Variants in CSMD1 observed in about 807,000 individuals in gnomAD.
The protein encoded by CSMD1 is CUB and sushi domain-containing protein 1.
A neutral mutation model predicts 417.5 loss-of-function variants in CSMD1; 213 were observed. That is an observed-to-expected ratio of 0.51 (90% confidence interval 0.46 to 0.57). The LOEUF (loss-of-function observed/expected upper bound fraction) is 0.57. Among genes scored for constraint, CSMD1 ranks in the 20% least tolerant of loss-of-function variants. The pLI is 0.00. For synonymous variants in CSMD1, 2,862 were observed against 1,736.8 expected (o/e 1.65, Z -16.11); for missense variants, 6,923 against 4,529.7 (o/e 1.53, Z -15.17).
chr8:3,986,949 T>TG (rs1814374683), intron 5 of CSMD1, among the ~76,000 whole-genome samples: 1 of 152,086 alleles, frequency 6.6e-6, no homozygotes, highest in African/African-American at 2.4e-5. Flanking sequence ...TACAGGGCGT[T>TG]TCACCATGCA....
At chr8:4,757,114 A>G (rs532140394) in intron 1 of CSMD1, among the ~76,000 whole-genome samples, 9 of 152,354 alleles carry the variant, frequency 5.9e-5, no homozygotes, top group Middle Eastern at 3.4e-3. Flanking sequence ...AAACACAAAC[A>G]TAAGTCACAT....
At position 4,116,940 on chromosome 8, in the gene CSMD1, C is replaced by G. The variant is rs943996319; in HGVS notation, c.416-84841G>C. ...AAATGTGTACCATCCTTTGTCTTTT[C>G]CATGAAGTCTGAGAATCAGGCTGGT... On this transcript the variant is annotated intron_variant, in intron 3 of 69. Transcript: ENST00000635120. Among the ~76,000 whole-genome samples the G allele has an allele frequency of 3.3e-5, 5 of 152,146 alleles. No individual in the cohort carries two copies. In the East Asian group the frequency reaches 9.7e-4, roughly 29 times the overall value.
intron 5 of CSMD1, among the ~76,000 whole-genome samples, chr8:3,993,714 T>C (rs924201802): frequency 3.3e-5 from 5 of 152,184 alleles, no homozygotes; most frequent in African/African-American, 9.7e-5. Flanking sequence ...TTTGAAGTCA[T>C]AAGGCAGCCC....
intron 7 of CSMD1, among the ~76,000 whole-genome samples, chr8:3,637,275 G>T (rs1306687321): frequency 6.6e-6 from 1 of 152,104 alleles, no homozygotes; most frequent in Non-Finnish European, 1.5e-5. Context: ...TGTCTCACTT[G>T]CTAGTTGTGT....
intron 1 of CSMD1, among the ~76,000 whole-genome samples, chr8:4,713,404 G>A (rs1421296161): frequency 1.3e-5 from 2 of 151,700 alleles, no homozygotes; most frequent in Middle Eastern, 3.4e-3. Context: ...GTTTTGTTTT[G>A]TTTTGTTTTG....
At chr8:4,718,997 G>C (rs1266767061) in intron 1 of CSMD1, among the ~76,000 whole-genome samples, 8 of 152,004 alleles carry the variant, frequency 5.3e-5, no homozygotes, top group Non-Finnish European at 1.2e-4. Context: ...AAGATATGTA[G>C]GTATGAGAAA....
At chr8:4,672,297 T>C (rs1292128580) in intron 1 of CSMD1, among the ~76,000 whole-genome samples, 1 of 152,116 alleles carries the variant, frequency 6.6e-6, no homozygotes, top group East Asian at 1.9e-4. Flanking sequence ...AATGAAAACT[T>C]CTCTAGAACT....
intron 5 of CSMD1, among the ~76,000 whole-genome samples, chr8:3,793,694 G>C (rs931998438): frequency 6.6e-6 from 1 of 152,116 alleles, no homozygotes. Context: ...ATTATTCAGG[G>C]TAAGTTAATA....
At chr8:3,273,188 A>G (rs949195685) in intron 26 of CSMD1, among the ~76,000 whole-genome samples, 2 of 150,794 alleles carry the variant, frequency 1.3e-5, no homozygotes, top group Non-Finnish European at 3.0e-5. Flanking sequence ...TATTGAGATA[A>G]TCATGTGGTT....
intron 1 of CSMD1, among the ~76,000 whole-genome samples, chr8:4,714,360 T>A (rs1236536833): frequency 6.6e-6 from 1 of 152,112 alleles, no homozygotes. Flanking sequence ...GGTCAAGAAT[T>A]TAAATTAATA....
At chr8:4,195,384 T>A (rs187238774) in intron 3 of CSMD1, among the ~76,000 whole-genome samples, 1 of 152,162 alleles carries the variant, frequency 6.6e-6, no homozygotes, top group Non-Finnish European at 1.5e-5. Flanking sequence ...TAACATTTTT[T>A]AAAATTATAA....
intron 12 of CSMD1, among the ~76,000 whole-genome samples, chr8:3,439,309 A>ATATATATATATATATAT: frequency 1.2e-3 from 74 of 62,390 alleles, no homozygotes; most frequent in Non-Finnish European, 1.6e-3. Flanking sequence ...ATATATATAT[A>ATATATATATATATATAT]TTTTTTTTTT....
chr8:3,249,724 C>T (rs182562093), intron 26 of CSMD1, among the ~76,000 whole-genome samples: 2 of 149,648 alleles, frequency 1.3e-5, no homozygotes, highest in Admixed American at 6.8e-5. Flanking sequence ...TTATAATAAG[C>T]TCCAAGAAGC....
intron 3 of CSMD1, among the ~76,000 whole-genome samples, chr8:4,127,340 C>G (rs1030350475): frequency 6.6e-6 from 1 of 151,062 alleles, no homozygotes; most frequent in Non-Finnish European, 1.5e-5. Flanking sequence ...GCAGTACAAG[C>G]CTCTCCCTTC....
At chr8:3,938,259 T>A (rs745622410) in intron 5 of CSMD1, among the ~76,000 whole-genome samples, 19 of 152,046 alleles carry the variant, frequency 1.2e-4, no homozygotes, top group Non-Finnish European at 2.1e-4. Flanking sequence ...TTAAAAAAAA[T>A]TAAATCTACA....
chr8:4,304,785 T>C lies in CSMD1; in HGVS notation c.415+115168A>G, dbSNP rs537819570. 2.7e-4 allele frequency among the ~76,000 whole-genome samples: 41 copies of C among 152,296 alleles called. No homozygotes were observed. The South Asian group carries it at 8.1e-3, about 30-fold the overall frequency. On this transcript the variant is annotated intron_variant, in intron 3 of 69. Coordinates refer to ENST00000635120, the MANE Select transcript of CSMD1 (RefSeq NM_033225.6). ...TATACATTACAATAAATTAGTAACT[T>C]CATCCTAAGCCATACCTTGGTGCAG...
chr8:4,385,733 A>T (rs911365018), intron 3 of CSMD1, among the ~76,000 whole-genome samples: 4 of 152,340 alleles, frequency 2.6e-5, no homozygotes, highest in African/African-American at 9.6e-5. Flanking sequence ...CATACGTTGA[A>T]AATTATAAAA....
chr8:3,485,536 C>CAG (rs1172330822), intron 11 of CSMD1, among the ~76,000 whole-genome samples: 3 of 96,474 alleles, frequency 3.1e-5, no homozygotes, highest in Admixed American at 1.1e-4. Context: ...TACACACACA[C>CAG]ACAGAGAGAG....
intron 5 of CSMD1, among the ~76,000 whole-genome samples, chr8:3,765,824 G>A (rs1205026161): frequency 3.3e-5 from 5 of 152,178 alleles, no homozygotes; most frequent in Non-Finnish European, 7.3e-5. Context: ...GGAATCCAGT[G>A]GGGACACACC....
Sources: gnomAD v4.1 joint callset for allele counts (sites outside exome capture counted in the v4.1 genomes callset) on GRCh38, gnomAD v4.1.1 for gene constraint, MANE v1.5 for transcripts, NCBI Gene and HGNC (gene_info 2026-07-23, HGNC 2026-07-21) for gene names.